The following MARCHF3 variants were observed in gnomAD, a reference collection of about 807,000 sequenced individuals.
The protein encoded by MARCHF3 is membrane associated ring-CH-type finger 3, also known as E3 ubiquitin-protein ligase MARCHF3.
In MARCHF3, 13 loss-of-function variants were observed where a neutral mutation model predicts 24.2. That is an observed-to-expected ratio of 0.54 (90% CI 0.35 to 0.85). The LOEUF (loss-of-function observed/expected upper bound fraction) is 0.85, where lower values mean the gene tolerates loss of function less well. MARCHF3 is among the 40% of genes least tolerant of loss of function. MARCHF3 has a pLI of 0.01. For synonymous variants in MARCHF3, 144 were observed against 137.3 expected (o/e 1.05, Z -0.34); for missense variants, 276 against 325.0 (o/e 0.85, Z 1.16).
chr5:126,893,194 G>A (rs1753758361), intron 3 of MARCHF3, among the ~76,000 whole-genome samples: 1 of 151,450 alleles, frequency 6.6e-6, no homozygotes, highest in African/African-American at 2.4e-5. Flanking sequence ...TTCTTTATTA[G>A]TCTTGCTAGT....
At chr5:126,922,512 T>A (rs373137755) in intron 1 of MARCHF3, among the ~76,000 whole-genome samples, 27 of 142,820 alleles carry the variant, frequency 1.9e-4, no homozygotes, top group Non-Finnish European at 3.3e-4. Context: ...CATTTCTGTC[T>A]TTTATTTATT....
At chr5:126,907,958 C>A (rs1249698784) in intron 3 of MARCHF3, among the ~76,000 whole-genome samples, 1 of 151,966 alleles carries the variant, frequency 6.6e-6, no homozygotes, top group East Asian at 1.9e-4. Context: ...GCGGCTGGTA[C>A]CGGTTGTTCC....
chr5:126,987,600 C>T (rs34416835), intron 1 of MARCHF3, among the ~76,000 whole-genome samples: 7,817 of 152,212 alleles, frequency 0.051, 372 homozygotes, highest in South Asian at 0.13. Context: ...CCAACCCCCA[C>T]TATGGAGAAC....
rs1752048576 is a variant in MARCHF3 at position 126,999,304 on chromosome 5, T to C, written c.-57+31046A>G. On this transcript the variant is annotated intron_variant, in intron 1 of 4. Coordinates refer to ENST00000308660, the MANE Select transcript of MARCHF3 (RefSeq NM_178450.5). ...TTTTCTTACACAATACCCATTTGTA[T>C]GGCAATTATGCCCAGACCAGCTTTC... Among the ~76,000 whole-genome samples the C allele has an allele frequency of 2.0e-5, 3 of 152,210 alleles. No homozygotes were observed. The South Asian group carries it at 6.2e-4, about 31-fold the overall frequency.
rs978069391 is a variant in MARCHF3 at position 126,869,808 on chromosome 5, G to C, written c.*825C>G. On this transcript the variant is annotated 3_prime_UTR_variant, in exon 5 of 5. Coordinates refer to ENST00000308660, the MANE Select transcript of MARCHF3 (RefSeq NM_178450.5). Reference sequence around the variant, plus strand: ...TTTTTCCTTTTAAAACCTGCTTTGGGAAACTTCACAGGTTTTATCATTAAA... The same window carrying C: ...TTTTTCCTTTTAAAACCTGCTTTGGCAAACTTCACAGGTTTTATCATTAAA... 1.3e-5 allele frequency: 2 copies of C among 152,256 alleles called. No homozygotes were observed. The highest frequency in any genetic ancestry group is 1.9e-4 in the East Asian group (1 of 5,160). The allele number at this position is 152,256 out of a possible 1,614,324, so 9.4% of individuals were successfully genotyped here.
At chr5:127,022,748 T>C (rs1026783943) in intron 1 of MARCHF3, among the ~76,000 whole-genome samples, 3 of 152,368 alleles carry the variant, frequency 2.0e-5, no homozygotes, top group East Asian at 3.9e-4. Context: ...TTTGAGTTCA[T>C]GACCTAATCT....
At chr5:126,877,598 G>T (rs1269508947) in intron 4 of MARCHF3, among the ~76,000 whole-genome samples, 2 of 152,168 alleles carry the variant, frequency 1.3e-5, no homozygotes, top group Non-Finnish European at 2.9e-5. Flanking sequence ...TTGGGAAATG[G>T]CCTTTCTTTG....
At chr5:127,026,761 A>G (rs771217323) in intron 1 of MARCHF3, among the ~76,000 whole-genome samples, 29 of 152,310 alleles carry the variant, frequency 1.9e-4, no homozygotes, top group Non-Finnish European at 3.5e-4. Context: ...ACAAAGTGGA[A>G]AAAAATCATT....
chr5:126,971,378 G>A (rs1241985943), intron 1 of MARCHF3, among the ~76,000 whole-genome samples: 1 of 150,014 alleles, frequency 6.7e-6, no homozygotes, highest in African/African-American at 2.5e-5. Context: ...GAACCCGGGA[G>A]GCAGAGGTTG....
chr5:126,900,079 ACT>A (rs1754054885), intron 3 of MARCHF3, among the ~76,000 whole-genome samples: 1 of 151,998 alleles, frequency 6.6e-6, no homozygotes, highest in Admixed American at 6.6e-5. Flanking sequence ...CTCCTTGCTA[ACT>A]CTCTGATTTA....
At chr5:126,962,822 TGTGTGTGTGTGC>T (rs1485325033) in intron 1 of MARCHF3, among the ~76,000 whole-genome samples, 5 of 99,050 alleles carry the variant, frequency 5.0e-5, no homozygotes, top group African/African-American at 1.3e-4. Flanking sequence ...CCTGTGTGTG[TGTGTGTGTGTGC>T]GTGTGTGTGT....
At chr5:126,921,713 G>A (rs1749113587) in intron 1 of MARCHF3, among the ~76,000 whole-genome samples, 1 of 152,194 alleles carries the variant, frequency 6.6e-6, no homozygotes, top group South Asian at 2.1e-4. Context: ...CTCAGGGAGG[G>A]AGCGGTGTAT....
rs370169682 is a variant in MARCHF3, at chr5:127,007,538, A to G, written c.-57+22812T>C. 3.9e-5 allele frequency among the ~76,000 whole-genome samples: 6 copies of G among 152,204 alleles called. No individual in the cohort carries two copies. In the South Asian group the frequency reaches 1.2e-3, roughly 32 times the overall value. On this transcript the variant is annotated intron_variant, in intron 1 of 4. Coordinates refer to ENST00000308660, the MANE Select transcript of MARCHF3 (RefSeq NM_178450.5). ...CCAAGTATACACTTCATTCCAATATATTCATTCTTAATGATAGTAGGTATA... is the reference window on the plus strand; with the variant it reads ...CCAAGTATACACTTCATTCCAATATGTTCATTCTTAATGATAGTAGGTATA...
chr5:126,917,845 T>A, intron 2 of MARCHF3, 139 bp downstream of exon 2: 1 of 802,754 alleles, frequency 1.2e-6, no homozygotes, highest in Non-Finnish European at 1.9e-6. Context: ...ACTCGTGTAG[T>A]CTTTTTTTTT....
rs527783700 is a variant in MARCHF3, at chr5:126,955,053, G to A, written c.-56-36826C>T. ...TCCATACTCTAAAGTCACTTTGTTC[G>A]CCCAACGCTGTTTCTGAAATCTATC... On this transcript the variant is annotated intron_variant, in intron 1 of 4. Transcript: ENST00000308660. Among the ~76,000 whole-genome samples, 7 of 152,128 alleles carry A rather than the reference G, an allele frequency of 4.6e-5. No individual in the cohort carries two copies. In the East Asian group the frequency reaches 1.2e-3, roughly 25 times the overall value.
chr5:126,946,805 T>C (rs1482504992), intron 1 of MARCHF3, among the ~76,000 whole-genome samples: 5 of 151,562 alleles, frequency 3.3e-5, no homozygotes, highest in African/African-American at 1.2e-4. Context: ...TGTCTGTGTG[T>C]GTGTGGTGGA....
chr5:126,899,918 A>G (rs1754048930), intron 3 of MARCHF3, among the ~76,000 whole-genome samples: 1 of 152,082 alleles, frequency 6.6e-6, no homozygotes, highest in African/African-American at 2.4e-5. Flanking sequence ...CTACCTTGAC[A>G]CATCATCACC....
intron 4 of MARCHF3, among the ~76,000 whole-genome samples, chr5:126,877,089 T>C (rs1195238352): frequency 6.6e-6 from 1 of 152,110 alleles, no homozygotes; most frequent in Non-Finnish European, 1.5e-5. Context: ...AACTGAAATG[T>C]ATCTCCTTAC....
intron 3 of MARCHF3, among the ~76,000 whole-genome samples, chr5:126,908,449 C>T (rs1173406849): frequency 2.0e-5 from 3 of 152,208 alleles, no homozygotes; most frequent in Non-Finnish European, 4.4e-5. Flanking sequence ...CTGTCACTTT[C>T]AGGTACACCA....
Sources: gnomAD v4.1 joint callset for allele counts (sites outside exome capture counted in the v4.1 genomes callset) on GRCh38, gnomAD v4.1.1 for gene constraint, MANE v1.5 for transcripts, NCBI Gene and HGNC (gene_info 2026-07-23, HGNC 2026-07-21) for gene names.